The following SLC25A53 variants were observed in gnomAD, a reference collection of about 807,000 sequenced individuals.
SLC25A53 encodes mitochondrial carrier triple repeat protein 6.
A neutral mutation model predicts 15.0 loss-of-function variants in SLC25A53; 5 were observed. The observed-to-expected ratio is 0.33, with a 90% CI of 0.17 to 0.70. The LOEUF is 0.70. Among genes scored for constraint, SLC25A53 ranks in the 30% least tolerant of loss-of-function variants. The pLI, the probability that SLC25A53 is intolerant of heterozygous loss-of-function variation, is 0.67. For missense variants in SLC25A53, 216 were observed against 241.6 expected (o/e 0.89, Z 0.70); for synonymous variants, 95 against 100.0 (o/e 0.95, Z 0.30).
chrX:104,150,731 G>A (rs782753788), intron 1 of SLC25A53, among the ~76,000 whole-genome samples: 9 of 111,919 alleles, frequency 8.0e-5, no homozygotes, highest in Non-Finnish European at 1.5e-4. Flanking sequence ...CCAGGGCAAA[G>A]CCTCACTTCT....
chrX:104,132,825 A>C (rs2075428751), intron 1 of SLC25A53, among the ~76,000 whole-genome samples: 1 of 111,985 alleles, frequency 8.9e-6, no homozygotes, highest in South Asian at 3.7e-4. Context: ...CAGAGTTCAG[A>C]GTTTCCACAG....
At chrX:104,133,245 A>G (rs1320197299) in intron 1 of SLC25A53, among the ~76,000 whole-genome samples, 1 of 112,205 alleles carries the variant, frequency 8.9e-6, no homozygotes, top group Non-Finnish European at 1.9e-5. Context: ...TACCAAAGAA[A>G]AAAGGCAATC....
At chrX:104,107,963 G>A (rs1351131809) in intron 1 of SLC25A53, among the ~76,000 whole-genome samples, 2 of 112,101 alleles carry the variant, frequency 1.8e-5, no homozygotes, top group Non-Finnish European at 3.8e-5. Context: ...AGAGGGGGGT[G>A]ATATTGGGCA....
chrX:104,137,645 A>C (rs1556366742), intron 1 of SLC25A53, among the ~76,000 whole-genome samples: 1 of 111,768 alleles, frequency 8.9e-6, no homozygotes, highest in Non-Finnish European at 1.9e-5. Context: ...TCCCTGAACC[A>C]ACCAATCAGA....
chrX:104,121,086 A>G (rs927357083), intron 1 of SLC25A53, among the ~76,000 whole-genome samples: 1 of 111,765 alleles, frequency 8.9e-6, no homozygotes, highest in South Asian at 3.7e-4. Flanking sequence ...TAGGATTTTT[A>G]GATCTATGTC....
intron 1 of SLC25A53, among the ~76,000 whole-genome samples, chrX:104,132,445 C>A (rs957913838): frequency 3.6e-5 from 4 of 112,055 alleles, no homozygotes; most frequent in African/African-American, 1.3e-4. Context: ...TTTATCAAGC[C>A]TCATCATCTG....
chrX:104,104,783 T>C lies in SLC25A53; in HGVS notation c.475A>G (p.Lys159Glu), dbSNP rs1433762752. Residue 159 changes from lysine (K) to glutamate (E), a missense_variant, in exon 2 of 2, where the codon AAG becomes GAG. Transcript: ENST00000594199. ...CAAAGCCCATAAGAATTGAATTCCTTGAGAATGCTGAAGGTGCTGGGGAAG... is the reference window on the plus strand; with the variant it reads ...CAAAGCCCATAAGAATTGAATTCCTCGAGAATGCTGAAGGTGCTGGGGAAG... ...ARFPSTFSIL[K>E]EFNSYGLWGR... 26 of 1,209,347 alleles carry C rather than the reference T, an allele frequency of 2.1e-5. 1 individual carries two copies. Among genetic ancestry groups the C allele is most frequent in the Non-Finnish European group, 2.8e-5 (25 of 893,765 alleles).
At chrX:104,112,561 C>A (rs1299119422) in intron 1 of SLC25A53, 1 of 113,806 alleles carries the variant, frequency 8.8e-6, no homozygotes, top group East Asian at 2.8e-4. Context: ...AAAGCAACCG[C>A]GGCTGCCCGG....
chrX:104,117,512 G>T (rs1230039497), intron 1 of SLC25A53, among the ~76,000 whole-genome samples: 1 of 110,659 alleles, frequency 9.0e-6, no homozygotes, highest in Non-Finnish European at 1.9e-5. Flanking sequence ...AGGAGTAAAG[G>T]TCCAAGAGAC....
chrX:104,155,093 AT>A (rs2075496375), intron 1 of SLC25A53, among the ~76,000 whole-genome samples: 1 of 111,223 alleles, frequency 9.0e-6, no homozygotes, highest in South Asian at 3.8e-4. Flanking sequence ...TTTATTTCAT[AT>A]CTACTGTGTC....
At chrX:104,115,035 G>A (rs782270361) in intron 1 of SLC25A53, 56 of 1,193,568 alleles carry the variant, frequency 4.7e-5, no homozygotes, top group Non-Finnish European at 5.8e-5. Flanking sequence ...ATCAAGTGCT[G>A]GTTATTGATT....
Position 104,105,236 on chromosome X carries a change from G to C in SLC25A53, c.22C>G (p.Pro8Ala). 8.3e-7 allele frequency: 1 copy of C among 1,208,975 alleles called. No homozygotes were observed. The highest frequency in any genetic ancestry group is 1.1e-6 in the Non-Finnish European group (1 of 893,927). The change falls in exon 2 of 2, where the codon CCC becomes GCC. Residue 8 changes from proline to alanine, a missense_variant. Physicochemically the swap from Pro to Ala is conservative, Grantham distance 27 (BLOSUM62 -1). Coordinates refer to ENST00000594199, the MANE Select transcript of SLC25A53 (RefSeq NM_001012755.5). ...GTCCTGTGCTGAAGCTCCTTCCCGGGAGAGTGGTTCTGCTCCCCCATGCTG... is the reference window on the plus strand; with the variant it reads ...GTCCTGTGCTGAAGCTCCTTCCCGGCAGAGTGGTTCTGCTCCCCCATGCTG... MGEQNHSPGKELQHRTRA... is the reference protein window; with the variant it reads MGEQNHSAGKELQHRTRA...
chrX:104,133,610 T>C (rs2075430423), intron 1 of SLC25A53, among the ~76,000 whole-genome samples: 1 of 111,853 alleles, frequency 8.9e-6, no homozygotes, highest in South Asian at 3.8e-4. Flanking sequence ...ACAGAAACCC[T>C]AAACACATCT....
intron 1 of SLC25A53, among the ~76,000 whole-genome samples, chrX:104,153,808 G>A (rs782484723): frequency 1.8e-5 from 2 of 111,756 alleles, no homozygotes; most frequent in Non-Finnish European, 1.9e-5. Flanking sequence ...ACCTTTGCTC[G>A]ACCATCCAAA....
rs1371842118 is a variant in SLC25A53 at position 104,103,229 on chromosome X, G to C, written c.*1105C>G. The C allele has an allele frequency of 1.4e-4, 16 of 111,242 alleles. No individual in the cohort carries two copies. The highest frequency in any genetic ancestry group is 2.6e-4 in the Non-Finnish European group (14 of 53,133). The allele number at this position is 111,242 out of a possible 1,213,427, so 9.2% of individuals were successfully genotyped here. Reference sequence around the variant, plus strand: ...ACTCCATAGAGAAGGTGACCTCTGAGCTGGGCTTCAAGGAACTGGAAGGAT... The same window carrying C: ...ACTCCATAGAGAAGGTGACCTCTGACCTGGGCTTCAAGGAACTGGAAGGAT... On this transcript the variant is annotated 3_prime_UTR_variant, in exon 2 of 2. Transcript: ENST00000594199.
intron 1 of SLC25A53, among the ~76,000 whole-genome samples, chrX:104,107,923 AT>A (rs1250546792): frequency 8.9e-6 from 1 of 111,756 alleles, no homozygotes; most frequent in African/African-American, 3.3e-5. Context: ...GGGCAAAATA[AT>A]TTTTAGTCAT....
chrX:104,155,384 G>A (rs994929216), intron 1 of SLC25A53, among the ~76,000 whole-genome samples: 1 of 110,882 alleles, frequency 9.0e-6, no homozygotes, highest in Non-Finnish European at 1.9e-5. Context: ...ATGTAAATTC[G>A]GGGGTCCACT....
chrX:104,139,214 C>A (rs554263811), intron 1 of SLC25A53, among the ~76,000 whole-genome samples: 1 of 110,334 alleles, frequency 9.1e-6, no homozygotes, highest in African/African-American at 3.3e-5. Flanking sequence ...CAGAGTAAGA[C>A]CCTGTCTCAA....
At chrX:104,140,176 G>C (rs1273001284) in intron 1 of SLC25A53, among the ~76,000 whole-genome samples, 1 of 111,491 alleles carries the variant, frequency 9.0e-6, no homozygotes, top group East Asian at 2.8e-4. Flanking sequence ...AGGCTGGAGT[G>C]TAGTAGTGGG....
Sources: allele counts gnomAD v4.1 joint callset (sites outside exome capture counted in the v4.1 genomes callset), GRCh38; gene constraint gnomAD v4.1.1; transcripts MANE v1.5; gene names NCBI Gene and HGNC (gene_info 2026-07-23, HGNC 2026-07-21).